C18orf63: variants seen among roughly 807,000 people sequenced by gnomAD.
C18orf63 encodes the protein chromosome 18 open reading frame 63.
Under a neutral mutation model 75.3 loss-of-function variants are expected in C18orf63, and 50 were observed. The ratio of observed to expected loss-of-function variants is 0.66; its 90% CI spans 0.53 to 0.84. C18orf63 has a LOEUF of 0.84. Among genes scored for constraint, C18orf63 ranks in the 40% least tolerant of loss-of-function variants. The pLI is 0.00. For missense variants in C18orf63, 732 were observed against 800.2 expected (o/e 0.91, Z 1.03); for synonymous variants, 232 against 267.6 (o/e 0.87, Z 1.30).
rs1191438130 is a variant in C18orf63, at chr18:74,327,974, G to A, written c.298G>A (p.Val100Ile). ...GGAGGCTCCACAAAGAGTAATTCCT[G>A]TAATTCTTCAGAACTGCCTGTCATA... ...KMEAPQRVIP[V>I]ILQNCLSYSF... is the part of the protein sequence containing the mutation. The change falls in exon 5 of 14, where the codon GTA becomes ATA. Residue 100 changes from valine to isoleucine, a missense_variant. Around this residue, in one of 3 missense-constraint regions of C18orf63, gnomAD observed 233 missense variants for 272.7 expected, o/e 0.85. Transcript: ENST00000579455. 4.2e-5 allele frequency: 65 copies of A among 1,535,296 alleles called. No homozygotes were observed. Among genetic ancestry groups the A allele is most frequent in the Non-Finnish European group, 5.5e-5 (63 of 1,146,264 alleles).
intron 7 of C18orf63, among the ~76,000 whole-genome samples, chr18:74,331,859 T>TA (rs1469599106): frequency 6.6e-6 from 1 of 152,224 alleles, no homozygotes; most frequent in African/African-American, 2.4e-5. Context: ...ATTCTTTGAT[T>TA]ACCTCTTATG....
chr18:74,335,787 G>T (rs117066373), intron 7 of C18orf63, among the ~76,000 whole-genome samples: 66 of 152,168 alleles, frequency 4.3e-4, no homozygotes, highest in South Asian at 8.3e-4. Context: ...TTTTATCTAG[G>T]TCAGAAGAAA....
chr18:74,351,235 C>G (rs1019881364), intron 11 of C18orf63, among the ~76,000 whole-genome samples: 1 of 152,168 alleles, frequency 6.6e-6, no homozygotes, highest in Non-Finnish European at 1.5e-5. Context: ...GTATTGTCCT[C>G]TATAATGACT....
intron 1 of C18orf63, 120 bp from the exon 2 acceptor site, chr18:74,317,714 C>A (rs1984049163): frequency 1.9e-6 from 1 of 533,314 alleles, no homozygotes; most frequent in African/African-American, 1.9e-5. Flanking sequence ...CTGAAGTTTG[C>A]AAACTAACTT....
At chr18:74,344,971 A>G (rs989611360) in intron 11 of C18orf63, among the ~76,000 whole-genome samples, 1 of 152,062 alleles carries the variant, frequency 6.6e-6, no homozygotes, top group African/African-American at 2.4e-5. Flanking sequence ...GCTACACCAA[A>G]CTATTTCCCT....
chr18:74,347,171 G>A (rs75822723), intron 11 of C18orf63, among the ~76,000 whole-genome samples: 1,854 of 152,254 alleles, frequency 0.012, 19 homozygotes, highest in South Asian at 0.047. Context: ...AGAGGCTAGC[G>A]GTGGTAATGA....
At chr18:74,328,954 A>C in intron 5 of C18orf63, 41 bp from the exon 6 acceptor site, 1 of 1,071,694 alleles carries the variant, frequency 9.3e-7, no homozygotes, top group East Asian at 2.6e-5. Context: ...ATGATTATTT[A>C]TGAGTTGTAA....
intron 7 of C18orf63, among the ~76,000 whole-genome samples, chr18:74,336,382 A>G (rs956338365): frequency 6.6e-6 from 1 of 152,114 alleles, no homozygotes; most frequent in African/African-American, 2.4e-5. Flanking sequence ...TGAGGAATTA[A>G]GAGAAAAAGA....
intron 7 of C18orf63, among the ~76,000 whole-genome samples, chr18:74,335,327 T>C (rs1316326398): frequency 1.3e-5 from 2 of 152,118 alleles, no homozygotes; most frequent in East Asian, 3.8e-4. Flanking sequence ...TTGACCCTAT[T>C]TAGACAAATT....
Position 74,353,572 on chromosome 18 carries a change from T to A in C18orf63, c.1305T>A (p.Phe435Leu). The change falls in exon 12 of 14, where the codon TTT (phenylalanine) becomes TTA (leucine). Residue 435 changes from phenylalanine to leucine, a missense_variant. Phe to Leu is a conservative substitution (Grantham distance 22, BLOSUM62 0). Coordinates refer to ENST00000579455, the MANE Select transcript of C18orf63 (RefSeq NM_001174123.2). ...LSSQSNITPK[F>L]VPVFKNRLLQ... ...CCCAAAGCAACATCACCCCTAAGTT[T>A]GTACCAGTTTTCAAAAATAGATTGT... 3.3e-6 allele frequency: 5 copies of A among 1,536,528 alleles called. No individual in the cohort carries two copies. The highest frequency in any genetic ancestry group is 3.5e-6 in the Non-Finnish European group (4 of 1,146,986).
At chr18:74,328,300 TCCCC>T in intron 5 of C18orf63, among the ~76,000 whole-genome samples, 3 of 152,044 alleles carry the variant, frequency 2.0e-5, no homozygotes, top group Non-Finnish European at 4.4e-5. Context: ...TCATGGGAAC[TCCCC>T]TTTATAAAAC....
chr18:74,316,441 C>T (rs1984025938), intron 1 of C18orf63, among the ~76,000 whole-genome samples: 1 of 152,194 alleles, frequency 6.6e-6, no homozygotes, highest in Non-Finnish European at 1.5e-5. Flanking sequence ...TCTGGGGCCG[C>T]CCTGAACCCC....
chr18:74,333,317 A>G (rs2145121665), intron 7 of C18orf63, among the ~76,000 whole-genome samples: 1 of 152,308 alleles, frequency 6.6e-6, no homozygotes, highest in South Asian at 2.1e-4. Flanking sequence ...TCCCAAGAGG[A>G]AGGGGAGGAG....
intron 1 of C18orf63, among the ~76,000 whole-genome samples, chr18:74,316,484 C>A (rs1303648913): frequency 6.6e-6 from 1 of 152,178 alleles, no homozygotes. Context: ...AAGGGTCCCT[C>A]GTAGCGGCGG....
At chr18:74,324,108 A>G (rs185084684) in intron 4 of C18orf63, among the ~76,000 whole-genome samples, 94 of 152,382 alleles carry the variant, frequency 6.2e-4, no homozygotes, top group African/African-American at 2.1e-3. Flanking sequence ...AAATGTTCGT[A>G]AAGTATACAA....
chr18:74,342,157 G>C (rs2145126707), intron 9 of C18orf63, 29 bp downstream of exon 9: 2 of 1,409,386 alleles, frequency 1.4e-6, no homozygotes, highest in South Asian at 2.5e-5. Flanking sequence ...TGTTACATTA[G>C]AAGTTATTTG....
Position 74,354,694 on chromosome 18 carries a change from A to G in C18orf63, c.*33+148A>G, listed in dbSNP as rs1418753230. On this transcript the variant is annotated intron_variant, in intron 13 of 13. Coordinates refer to ENST00000579455, the MANE Select transcript of C18orf63 (RefSeq NM_001174123.2). Reference sequence around the variant, plus strand: ...AGCAAAGAAATAGGACATGGTGGGAACAGTTCACTCCTTGAATAAGGACCA... The same window carrying G: ...AGCAAAGAAATAGGACATGGTGGGAGCAGTTCACTCCTTGAATAAGGACCA... The G allele has an allele frequency of 1.4e-5, 8 of 573,742 alleles. No individual in the cohort carries two copies. In the East Asian group the frequency reaches 2.0e-4, roughly 14 times the overall value. The allele number at this position is 573,742 out of a possible 1,614,324, so 35.5% of individuals were successfully genotyped here. A position where few individuals can be genotyped will look rare whatever the true frequency, so the allele number is the denominator to read the frequency against.
chr18:74,351,636 G>A (rs1984668942), intron 11 of C18orf63, among the ~76,000 whole-genome samples: 1 of 152,172 alleles, frequency 6.6e-6, no homozygotes. Context: ...CCAACCCCCA[G>A]AATAGTGAGA....
intron 3 of C18orf63, 90 bp downstream of exon 3, chr18:74,320,681 T>A: frequency 1.3e-6 from 1 of 757,720 alleles, no homozygotes. Context: ...AAAGTTAAGA[T>A]GTTTATGAGG....
Sources: gnomAD v4.1 joint callset for allele counts (sites outside exome capture counted in the v4.1 genomes callset) on GRCh38, gnomAD v4.1.1 for gene constraint, gnomAD v4.1.1 regional missense constraint, MANE v1.5 for transcripts, NCBI Gene and HGNC (gene_info 2026-07-23, HGNC 2026-07-21) for gene names.